Variants in ADK observed in about 807,000 individuals in gnomAD.
ADK encodes adenosine kinase, also known as N6,N6-dimethyladenosine kinase.
ADK carries 24 observed loss-of-function variants against 44.7 expected under a neutral mutation model. The observed-to-expected ratio is 0.54, with a 90% CI of 0.39 to 0.76. The LOEUF (loss-of-function observed/expected upper bound fraction) is 0.76, where lower values mean the gene tolerates loss of function less well. Among genes scored for constraint, ADK ranks in the 30% least tolerant of loss-of-function variants. The pLI, the probability that ADK is intolerant of heterozygous loss-of-function variation, is 0.00. For synonymous variants in ADK, 128 were observed against 142.6 expected, an observed-to-expected ratio of 0.90 and a Z score of 0.73; for missense variants, 321 against 425.1, an observed-to-expected ratio of 0.76 and a Z score of 2.15.
chr10:74,204,605 A>C (rs929401976), intron 2 of ADK, among the ~76,000 whole-genome samples: 4 of 152,218 alleles, frequency 2.6e-5, no homozygotes, highest in African/African-American at 9.6e-5. Flanking sequence ...GTTTTATCCT[A>C]AGACATTCAG....
intron 8 of ADK, among the ~76,000 whole-genome samples, chr10:74,597,973 T>G (rs1851980113): frequency 1.3e-5 from 2 of 152,188 alleles, no homozygotes; most frequent in South Asian, 4.1e-4. Flanking sequence ...GGGACATACT[T>G]TGAGACTGTA....
At chr10:74,423,611 C>T (rs774996492) in intron 6 of ADK, 1 of 314,468 alleles carries the variant, frequency 3.2e-6, no homozygotes, top group South Asian at 3.0e-5. Flanking sequence ...CAACTGTCGT[C>T]GTCTGCATAG....
intron 6 of ADK, among the ~76,000 whole-genome samples, chr10:74,405,775 A>G (rs1241642741): frequency 1.3e-5 from 2 of 152,164 alleles, no homozygotes; most frequent in Non-Finnish European, 2.9e-5. Flanking sequence ...GGAGACTTTG[A>G]TGAAAAAAAT....
chr10:74,669,052 A>G lies in ADK; in HGVS notation c.878-1131A>G, dbSNP rs536690086. 4.0e-5 allele frequency among the ~76,000 whole-genome samples: 6 copies of G among 151,760 alleles called. No homozygotes were observed. In the South Asian group the frequency reaches 1.2e-3, roughly 32 times the overall value. On this transcript the variant is annotated intron_variant, in intron 9 of 10. Coordinates refer to ENST00000539909, the MANE Select transcript of ADK (RefSeq NM_006721.4). ...AGCAAGACCTAAAAAAAAAAAAAAGATTTTAAAAAAGATTGACTAAGTGAA... is the reference window on the plus strand; with the variant it reads ...AGCAAGACCTAAAAAAAAAAAAAAGGTTTTAAAAAAGATTGACTAAGTGAA...
chr10:74,236,263 TA>T (rs1463427409), intron 3 of ADK, among the ~76,000 whole-genome samples: 1 of 152,210 alleles, frequency 6.6e-6, no homozygotes, highest in Non-Finnish European at 1.5e-5. Context: ...AGCTAGGGAC[TA>T]AAACATACAA....
chr10:74,527,193 C>T (rs1250931027), intron 7 of ADK, among the ~76,000 whole-genome samples: 5 of 152,116 alleles, frequency 3.3e-5, no homozygotes, highest in Non-Finnish European at 4.4e-5. Context: ...AAGCCCGTCT[C>T]TACTTAAAAT....
intron 4 of ADK, among the ~76,000 whole-genome samples, chr10:74,387,301 ATCTT>A (rs1220918775): frequency 6.6e-6 from 1 of 152,174 alleles, no homozygotes; most frequent in African/African-American, 2.4e-5. Flanking sequence ...GCGAAACTGA[ATCTT>A]TGACGGTTTC....
intron 6 of ADK, among the ~76,000 whole-genome samples, chr10:74,465,985 G>T (rs1455576941): frequency 6.6e-6 from 1 of 151,970 alleles, no homozygotes; most frequent in African/African-American, 2.4e-5. Context: ...GGATTTTAAG[G>T]CATATTAGTG....
intron 1 of ADK, among the ~76,000 whole-genome samples, chr10:74,151,850 G>A (rs1193182174): frequency 6.6e-6 from 1 of 152,230 alleles, no homozygotes; most frequent in Non-Finnish European, 1.5e-5. Context: ...CTCTACCAGG[G>A]ACCCAGACCC....
chr10:74,190,981 CTTTT>C (rs61491732), intron 1 of ADK, among the ~76,000 whole-genome samples: 4 of 134,956 alleles, frequency 3.0e-5, no homozygotes, highest in Non-Finnish European at 4.7e-5. Flanking sequence ...CTATTTTTGA[CTTTT>C]TTTTTTTTTT....
chr10:74,413,066 A>G (rs1372835994), intron 6 of ADK, among the ~76,000 whole-genome samples: 1 of 152,124 alleles, frequency 6.6e-6, no homozygotes, highest in East Asian at 1.9e-4. Context: ...CCAAAAAAAA[A>G]AAAATTCAGC....
chr10:74,700,358 T>C (rs995734822), intron 10 of ADK, among the ~76,000 whole-genome samples: 1 of 152,228 alleles, frequency 6.6e-6, no homozygotes, highest in African/African-American at 2.4e-5. Context: ...TTCTTCTGCC[T>C]CAGCCTCCCA....
chr10:74,554,416 A>G (rs1850160421), intron 7 of ADK, among the ~76,000 whole-genome samples: 1 of 152,102 alleles, frequency 6.6e-6, no homozygotes, highest in Non-Finnish European at 1.5e-5. Flanking sequence ...TATATCATGA[A>G]TAGTTATATA....
intron 1 of ADK, among the ~76,000 whole-genome samples, chr10:74,154,786 C>T (rs540385865): frequency 6.6e-6 from 1 of 152,302 alleles, no homozygotes; most frequent in South Asian, 2.1e-4. Context: ...TAATGTCTTT[C>T]CTTTTCCATT....
At chr10:74,578,063 A>G (rs1851255687) in intron 7 of ADK, among the ~76,000 whole-genome samples, 1 of 152,036 alleles carries the variant, frequency 6.6e-6, no homozygotes, top group African/African-American at 2.4e-5. Flanking sequence ...TGATTATCAC[A>G]CCTTGACAAC....
intron 4 of ADK, among the ~76,000 whole-genome samples, chr10:74,350,880 A>G (rs1841940681): frequency 6.6e-6 from 1 of 152,236 alleles, no homozygotes; most frequent in South Asian, 2.1e-4. Flanking sequence ...TAATCCAGGG[A>G]GAAGTTGAAT....
At chr10:74,701,996 AAAT>A (rs1378946732) in intron 10 of ADK, among the ~76,000 whole-genome samples, 1 of 152,146 alleles carries the variant, frequency 6.6e-6, no homozygotes, top group East Asian at 1.9e-4. Flanking sequence ...ATAGATTTTA[AAAT>A]AATAAATGGG....
At chr10:74,680,403 A>C (rs1468255556) in intron 10 of ADK, among the ~76,000 whole-genome samples, 1 of 152,174 alleles carries the variant, frequency 6.6e-6, no homozygotes, top group Non-Finnish European at 1.5e-5. Context: ...TTATGTGTGT[A>C]TGTTGTAGGT....
At chr10:74,542,885 G>C in intron 7 of ADK, among the ~76,000 whole-genome samples, 1 of 146,290 alleles carries the variant, frequency 6.8e-6, no homozygotes, top group Non-Finnish European at 1.6e-5. Context: ...TTTTATTTTA[G>C]TTATTTATTT....
Sources: gnomAD v4.1 joint callset for allele counts (sites outside exome capture counted in the v4.1 genomes callset) on GRCh38, gnomAD v4.1.1 for gene constraint, MANE v1.5 for transcripts, NCBI Gene and HGNC (gene_info 2026-07-23, HGNC 2026-07-21) for gene names.